ST6GAL2: variants seen among roughly 807,000 people sequenced by gnomAD.
The protein encoded by ST6GAL2 is ST6 beta-galactoside alpha-2,6-sialyltransferase 2, also known as beta-galactoside alpha-2,6-sialyltransferase 2.
ST6GAL2 carries 24 observed loss-of-function variants against 37.5 expected under a neutral mutation model. That is an observed-to-expected ratio of 0.64 (90% confidence interval 0.46 to 0.90). ST6GAL2 has a LOEUF of 0.90. Among genes scored for constraint, ST6GAL2 ranks in the 40% least tolerant of loss-of-function variants. ST6GAL2 has a pLI of 0.00. For missense variants in ST6GAL2, 715 were observed against 712.7 expected (o/e 1.00, Z -0.04); for synonymous variants, 306 against 295.1 (o/e 1.04, Z -0.38).
intron 2 of ST6GAL2, among the ~76,000 whole-genome samples, chr2:106,839,238 C>G (rs1467594011): frequency 6.6e-6 from 1 of 152,054 alleles, no homozygotes; most frequent in Admixed American, 6.5e-5. Context: ...CCCTGTAGCT[C>G]TCACCACCTG....
intron 1 of ST6GAL2, among the ~76,000 whole-genome samples, chr2:106,846,830 T>C (rs1397733981): frequency 2.6e-5 from 4 of 152,226 alleles, no homozygotes; most frequent in African/African-American, 9.6e-5. Flanking sequence ...TACAGGTCTG[T>C]GGTTAGCACT....
chr2:106,834,260 A>G, intron 2 of ST6GAL2, 114 bp from the exon 3 acceptor site: 1 of 684,392 alleles, frequency 1.5e-6, no homozygotes, highest in East Asian at 2.8e-5. Flanking sequence ...ATCACCAATA[A>G]AGTTAAGATA....
intron 4 of ST6GAL2, among the ~76,000 whole-genome samples, chr2:106,830,449 T>C (rs982990840): frequency 2.0e-5 from 3 of 152,168 alleles, no homozygotes; most frequent in African/African-American, 7.2e-5. Context: ...GCAGATATAA[T>C]GCTTTGTGCT....
At chr2:106,862,784 C>A (rs1453386570) in intron 1 of ST6GAL2, among the ~76,000 whole-genome samples, 2 of 152,106 alleles carry the variant, frequency 1.3e-5, no homozygotes, top group Admixed American at 1.3e-4. Flanking sequence ...ACCCAGGCAC[C>A]AACCTGAGGC....
chr2:106,821,378 A>G (rs923420304), intron 5 of ST6GAL2, among the ~76,000 whole-genome samples: 7 of 150,614 alleles, frequency 4.6e-5, no homozygotes, highest in African/African-American at 1.7e-4. Context: ...TATATATTAA[A>G]TTGTATATAT....
chr2:106,817,192 A>G (rs1272110543), intron 5 of ST6GAL2, among the ~76,000 whole-genome samples: 1 of 152,188 alleles, frequency 6.6e-6, no homozygotes, highest in Admixed American at 6.5e-5. Flanking sequence ...CTGGGCTCAG[A>G]GCCAGTGGAC....
intron 5 of ST6GAL2, among the ~76,000 whole-genome samples, chr2:106,816,730 C>T (rs1213742229): frequency 1.3e-5 from 2 of 152,188 alleles, no homozygotes; most frequent in Admixed American, 1.3e-4. Context: ...AAGTCAACAA[C>T]TATCCACACA....
At chr2:106,809,763 A>G (rs543817620) in intron 5 of ST6GAL2, among the ~76,000 whole-genome samples, 14 of 152,316 alleles carry the variant, frequency 9.2e-5, no homozygotes, top group Admixed American at 2.6e-4. Context: ...TCACAGACCA[A>G]TGCTTTTGTA....
At chr2:106,848,550 C>T (rs931961864) in intron 1 of ST6GAL2, among the ~76,000 whole-genome samples, 2 of 152,148 alleles carry the variant, frequency 1.3e-5, no homozygotes, top group African/African-American at 4.8e-5. Flanking sequence ...AAAGCTTTGA[C>T]CTGTTGGGAG....
chr2:106,837,069 C>T (rs1396302955), intron 2 of ST6GAL2, among the ~76,000 whole-genome samples: 2 of 151,800 alleles, frequency 1.3e-5, no homozygotes, highest in Non-Finnish European at 2.9e-5. Flanking sequence ...TCATTGGCAA[C>T]AAATACTATC....
intron 1 of ST6GAL2, among the ~76,000 whole-genome samples, chr2:106,869,867 C>T (rs933872542): frequency 1.3e-5 from 2 of 152,204 alleles, no homozygotes; most frequent in Admixed American, 1.3e-4. Flanking sequence ...TGACACCAAG[C>T]AGGACTGAAC....
intron 5 of ST6GAL2, among the ~76,000 whole-genome samples, chr2:106,827,565 G>A (rs1573227795): frequency 1.3e-5 from 2 of 152,150 alleles, no homozygotes; most frequent in East Asian, 3.9e-4. Context: ...ACAGAGCACA[G>A]CCTGCCCAGT....
intron 1 of ST6GAL2, among the ~76,000 whole-genome samples, chr2:106,860,755 A>G (rs949605685): frequency 2.0e-5 from 3 of 152,200 alleles, no homozygotes; most frequent in Admixed American, 6.5e-5. Context: ...AATAAGGTGC[A>G]ATGGGCTTCA....
At chr2:106,826,539 CAAAAAA>C (rs67548358) in intron 5 of ST6GAL2, among the ~76,000 whole-genome samples, 1 of 103,444 alleles carries the variant, frequency 9.7e-6, no homozygotes, top group Admixed American at 1.0e-4. Context: ...GACTCCGTCT[CAAAAAA>C]AAAAAAAAAA....
chr2:106,886,818 G>GC (rs1413224620), upstream of ST6GAL2, among the ~76,000 whole-genome samples: 1 of 151,902 alleles, frequency 6.6e-6, no homozygotes, highest in Non-Finnish European at 1.5e-5. Context: ...GCGAGCGCAG[G>GC]CGGGGCGCTC....
At chr2:106,845,356 A>G (rs1677101548) in intron 1 of ST6GAL2, among the ~76,000 whole-genome samples, 1 of 152,196 alleles carries the variant, frequency 6.6e-6, no homozygotes, top group African/African-American at 2.4e-5. Context: ...CATTGGTTCC[A>G]TGGGCTTTCA....
At position 106,834,356 on chromosome 2, in the gene ST6GAL2, T is replaced by C. The variant is rs370287885; in HGVS notation, c.944-210A>G. The C allele has an allele frequency of 3.2e-4, 163 of 505,780 alleles. 1 individual carries two copies. In the South Asian group the frequency reaches 3.7e-3, roughly 11 times the overall value. The allele number at this position is 505,780 out of a possible 1,614,324, so 31.3% of individuals were successfully genotyped here. A position where few individuals can be genotyped will look rare whatever the true frequency, so the allele number is the denominator to read the frequency against. On this transcript the variant is annotated intron_variant, in intron 2 of 5. Transcript: ENST00000409382. ...ACATCAATATGGATATATATAGATG[T>C]AAAATCTGTTCAATTATGGGCGAGA...
At position 106,831,386 on chromosome 2, in the gene ST6GAL2, G is replaced by T. The variant is rs377578294; in HGVS notation, c.1144-1146C>A. The stretch of plus-strand genomic sequence containing the variant: ...GGCTGAGCTGCTTCTAACAGAGGAA[G>T]AAATAAGGTCCAATAGCTAGAAACT... On this transcript the variant is annotated intron_variant, in intron 4 of 5. Transcript: ENST00000409382. Among the ~76,000 whole-genome samples, 36 of 152,306 alleles carry T rather than the reference G, an allele frequency of 2.4e-4. No individual in the cohort carries two copies. The South Asian group carries it at 6.2e-3, about 26-fold the overall frequency.
intron 2 of ST6GAL2, 147 bp downstream of exon 2, chr2:106,842,888 G>A: frequency 1.9e-6 from 1 of 515,586 alleles, no homozygotes; most frequent in Non-Finnish European, 3.2e-6. Context: ...GAAAGCACCT[G>A]AAGAATCTCC....
Sources: gnomAD v4.1 joint callset for allele counts (sites outside exome capture counted in the v4.1 genomes callset) on GRCh38, gnomAD v4.1.1 for gene constraint, MANE v1.5 for transcripts, NCBI Gene and HGNC (gene_info 2026-07-23, HGNC 2026-07-21) for gene names.